The following TMF1 variants were observed in gnomAD, a reference collection of about 807,000 sequenced individuals.
TMF1 encodes the protein TATA element modulatory factor 1.
TMF1 carries 71 observed loss-of-function variants against 126.5 expected under a neutral mutation model. That is an observed-to-expected ratio of 0.56 (90% CI 0.46 to 0.68). The LOEUF (loss-of-function observed/expected upper bound fraction) is 0.68, where lower values mean the gene tolerates loss of function less well. TMF1 is among the 30% of genes least tolerant of loss of function. TMF1 has a pLI of 0.00. For missense variants in TMF1, 1,259 were observed against 1,253.2 expected (o/e 1.00, Z -0.07); for synonymous variants, 461 against 430.5 (o/e 1.07, Z -0.88).
At position 69,048,002 on chromosome 3, in the gene TMF1, C is replaced by G; in HGVS notation, c.703G>C (p.Glu235Gln). 1 of 1,613,884 alleles carries G rather than the reference C, an allele frequency of 6.2e-7. No homozygotes were observed. Among genetic ancestry groups the G allele is most frequent in the Non-Finnish European group, 8.5e-7 (1 of 1,180,026 alleles). The change falls in exon 2 of 17, where the codon GAA becomes CAA. Residue 235 changes from glutamate (E) to glutamine (Q), a missense_variant. Transcript: ENST00000398559. Reference protein sequence around the residue: ...IALEPKEQKHEDRQSNTPSPP... With the variant: ...IALEPKEQKHQDRQSNTPSPP... Reference sequence around the variant, plus strand: ...GAAGGTGTATTGCTCTGCCTGTCTTCATGTTTTTGTTCCTTAGGTTCCAAA... The same window carrying G: ...GAAGGTGTATTGCTCTGCCTGTCTTGATGTTTTTGTTCCTTAGGTTCCAAA...
Position 69,023,065 on chromosome 3 carries a change from C to G in TMF1, c.*112G>C. On this transcript the variant is annotated 3_prime_UTR_variant, in exon 17 of 17. Transcript: ENST00000398559. ...ACAATTTTAAAAAAATTTTTACACT[C>G]TACAGTAAATCCCACTTTCTAATTC... 3 of 1,057,098 alleles carry G rather than the reference C, an allele frequency of 2.8e-6. No homozygotes were observed. The highest frequency in any genetic ancestry group is 4.0e-6 in the Non-Finnish European group (3 of 752,106). The allele number at this position is 1,057,098 out of a possible 1,614,324, so 65.5% of individuals were successfully genotyped here.
chr3:69,045,238 A>C (rs1021754144), intron 2 of TMF1, among the ~76,000 whole-genome samples: 1 of 151,972 alleles, frequency 6.6e-6, no homozygotes, highest in Non-Finnish European at 1.5e-5. Context: ...TGGGGGGATC[A>C]CCTGAGGTCA....
chr3:69,033,017 T>C (rs994517132), intron 10 of TMF1, among the ~76,000 whole-genome samples: 1 of 152,082 alleles, frequency 6.6e-6, no homozygotes, highest in Non-Finnish European at 1.5e-5. Flanking sequence ...GAGAATCATA[T>C]ATGATCTCTA....
At chr3:69,029,333 A>G (rs1293905499) in intron 11 of TMF1, among the ~76,000 whole-genome samples, 1 of 151,758 alleles carries the variant, frequency 6.6e-6, no homozygotes, top group Non-Finnish European at 1.5e-5. Context: ...GCACCCGGCC[A>G]TAATATCCTA....
intron 6 of TMF1, 48 bp downstream of exon 6, chr3:69,039,503 C>G (rs1225868225): frequency 1.3e-6 from 2 of 1,575,296 alleles, no homozygotes; most frequent in South Asian, 2.4e-5. Context: ...ACTGTTCATA[C>G]AGGAAGTAAT....
chr3:69,048,565 T>G lies in TMF1; in HGVS notation c.143-3A>C. On this transcript the variant is annotated splice_polypyrimidine_tract_variant and splice_region_variant and intron_variant, in intron 1 of 16. Transcript: ENST00000398559. ...TCCACTGACAGGGGAACTTATTCCT[T>G]TAACAAAAAAGTAAATATTAAAAAA... 1 of 1,564,066 alleles carries G rather than the reference T, an allele frequency of 6.4e-7. No homozygotes were observed. The highest frequency in any genetic ancestry group is 8.6e-7 in the Non-Finnish European group (1 of 1,158,822).
Position 69,035,097 on chromosome 3 carries a change from C to T in TMF1, c.2170G>A (p.Ala724Thr). ...LAIQVGDLRL[A>T]LQRTEQAAAR... ...GCCGCTTGTTCTGTACGCTGCAATGCAAGCCTAAGGTCCCCCACCTGTAGG... is the reference window on the plus strand; with the variant it reads ...GCCGCTTGTTCTGTACGCTGCAATGTAAGCCTAAGGTCCCCCACCTGTAGG... Residue 724 changes from alanine to threonine, a missense_variant, in exon 9 of 17, where the codon GCA (alanine) becomes ACA (threonine). Physicochemically the swap from Ala to Thr is moderately conservative, Grantham distance 58 (BLOSUM62 0). Coordinates refer to ENST00000398559, the MANE Select transcript of TMF1 (RefSeq NM_007114.3). 2 of 1,614,114 alleles carry T rather than the reference C, an allele frequency of 1.2e-6. No individual in the cohort carries two copies. Among genetic ancestry groups the T allele is most frequent in the Non-Finnish European group, 1.7e-6 (2 of 1,179,982 alleles).
chr3:69,042,021 T>C (rs2091867955), intron 5 of TMF1, among the ~76,000 whole-genome samples: 1 of 152,110 alleles, frequency 6.6e-6, no homozygotes, highest in South Asian at 2.1e-4. Flanking sequence ...ATTTCTGTAA[T>C]GCTATTAATT....
In TMF1 at chr3:69,042,885, C is replaced by G; in HGVS notation, c.1606G>C (p.Ala536Pro). The G allele has an allele frequency of 6.2e-7, 1 of 1,612,888 alleles. No homozygotes were observed. Among genetic ancestry groups the G allele is most frequent in the Non-Finnish European group, 8.5e-7 (1 of 1,179,344 alleles). ...KEIKNIKEEL[A>P]TRLNSSETAD... The stretch of plus-strand genomic sequence containing the variant: ...GTTTCACTACTATTTAATCTAGTGG[C>G]AAGTTCTTCTTTTATGTTTTTGATT... Residue 536 changes from alanine (A) to proline (P), a missense_variant, in exon 5 of 17, where the codon GCC becomes CCC. Physicochemically the swap from Ala to Pro is conservative, Grantham distance 27 (BLOSUM62 -1). Coordinates refer to ENST00000398559, the MANE Select transcript of TMF1 (RefSeq NM_007114.3).
chr3:69,034,278 G>A (rs2091820623), intron 9 of TMF1, among the ~76,000 whole-genome samples: 1 of 152,042 alleles, frequency 6.6e-6, no homozygotes, highest in Non-Finnish European at 1.5e-5. Context: ...TTCAAGACCA[G>A]CCTGGCCAAC....
intron 3 of TMF1, among the ~76,000 whole-genome samples, chr3:69,044,120 TAA>T (rs1362695390): frequency 6.6e-6 from 1 of 152,114 alleles, no homozygotes; most frequent in African/African-American, 2.4e-5. Context: ...CATGTAAAAA[TAA>T]GAGAAGAGTA....
Position 69,026,533 on chromosome 3 carries a change from G to A in TMF1, c.2758-436C>T, listed in dbSNP as rs541130437. Among the ~76,000 whole-genome samples, 93 of 152,254 alleles carry A rather than the reference G, an allele frequency of 6.1e-4. No individual in the cohort carries two copies. The Middle Eastern group carries it at 0.01, about 17-fold the overall frequency. On this transcript the variant is annotated intron_variant, in intron 13 of 16. Coordinates refer to ENST00000398559, the MANE Select transcript of TMF1 (RefSeq NM_007114.3). ...GCTTGAACCTGGGAGGTGAGGTTGC[G>A]GTGAGCCGAGATAGCGGTGGAGGTG...
chr3:69,023,446 A>G, intron 16 of TMF1, 126 bp from the exon 17 acceptor site: 1 of 805,988 alleles, frequency 1.2e-6, no homozygotes, highest in Non-Finnish European at 1.8e-6. Context: ...CATCTCTTTT[A>G]AAAATTAAAC....
intron 13 of TMF1, among the ~76,000 whole-genome samples, chr3:69,027,612 G>A (rs913802232): frequency 2.6e-5 from 4 of 151,106 alleles, no homozygotes; most frequent in African/African-American, 9.8e-5. Flanking sequence ...TGGTTCCCTG[G>A]GCCTCATTTG....
In TMF1 at chr3:69,023,006, T is replaced by C. The variant is rs1012479113; in HGVS notation, c.*171A>G. The stretch of plus-strand genomic sequence containing the variant: ...AATAAAGTTCAAATATTGCACAAAA[T>C]AATTTAACTGTAAATATTACTACAT... On this transcript the variant is annotated 3_prime_UTR_variant, in exon 17 of 17. Coordinates refer to ENST00000398559, the MANE Select transcript of TMF1 (RefSeq NM_007114.3). The C allele has an allele frequency of 2.7e-4, 129 of 477,078 alleles. No homozygotes were observed. The highest frequency in any genetic ancestry group is 4.0e-4 in the Non-Finnish European group (113 of 279,734). The allele number at this position is 477,078 out of a possible 1,614,324, so 29.6% of individuals were successfully genotyped here.
At position 69,038,660 on chromosome 3, in the gene TMF1, A is replaced by G. The variant is rs369047770; in HGVS notation, c.2055T>C (p.Ala685=). Residue 685 remains alanine (A), a synonymous_variant, in exon 8 of 17, where the codon GCT becomes GCC. Transcript: ENST00000398559. ...CTTTAGCTTTCATTTCACGGCTCAG[A>G]GCAGCTTCCTGTGCCTCACTATCCT... The part of the protein sequence containing the change: ...AAKDSEAQEA[A]LSREMKAKEE... 3.4e-5 allele frequency: 55 copies of G among 1,614,034 alleles called. No homozygotes were observed. The highest frequency in any genetic ancestry group is 4.4e-5 in the Non-Finnish European group (52 of 1,180,032).
Position 69,043,555 on chromosome 3 carries a change from C to G in TMF1, c.1578+195G>C, listed in dbSNP as rs558924700. Among the ~76,000 whole-genome samples the G allele has an allele frequency of 2.5e-3, 384 of 152,314 alleles. 1 individual carries two copies. The highest frequency in any genetic ancestry group is 8.7e-3 in the African/African-American group (362 of 41,572). The stretch of plus-strand genomic sequence containing the variant: ...CTCCTGGGCTCAAGTGATCCGCCCA[C>G]TTCAGCCTCCCAGTGTGCTGGGATT... On this transcript the variant is annotated intron_variant, in intron 4 of 16. Coordinates refer to ENST00000398559, the MANE Select transcript of TMF1 (RefSeq NM_007114.3).
At chr3:69,029,598 C>T (rs935538852) in intron 11 of TMF1, among the ~76,000 whole-genome samples, 4 of 151,862 alleles carry the variant, frequency 2.6e-5, no homozygotes, top group African/African-American at 9.7e-5. Flanking sequence ...CGCACACCAT[C>T]ACACCTGGCT....
At chr3:69,045,114 T>C (rs1260497225) in intron 2 of TMF1, among the ~76,000 whole-genome samples, 2 of 152,224 alleles carry the variant, frequency 1.3e-5, no homozygotes, top group African/African-American at 4.8e-5. Context: ...TCTGTATTAT[T>C]CTTTACCCGA....
Sources: gnomAD v4.1 joint callset for allele counts (sites outside exome capture counted in the v4.1 genomes callset) on GRCh38, gnomAD v4.1.1 for gene constraint, MANE v1.5 for transcripts, NCBI Gene and HGNC (gene_info 2026-07-23, HGNC 2026-07-21) for gene names.